Variants in TUSC3 observed in about 807,000 individuals in gnomAD.
TUSC3 encodes the protein dolichyl-diphosphooligosaccharide--protein glycosyltransferase subunit TUSC3.
In TUSC3, 45 loss-of-function variants were observed where a neutral mutation model predicts 44.8. The ratio of observed to expected loss-of-function variants is 1.00; its 90% confidence interval spans 0.79 to 1.29. The LOEUF (loss-of-function observed/expected upper bound fraction) is 1.29, where lower values mean the gene tolerates loss of function less well. Ranked by LOEUF, TUSC3 falls within the 50% of genes most tolerant of loss-of-function variation. The pLI, the probability that TUSC3 is intolerant of heterozygous loss-of-function variation, is 0.00. For missense variants in TUSC3, 519 were observed against 437.9 expected (o/e 1.19, Z -1.65); for synonymous variants, 212 against 152.9 (o/e 1.39, Z -2.85).
At position 15,552,202 on chromosome 8, in the gene TUSC3, G is replaced by A. The variant is rs1053938113; in HGVS notation, c.138+11634G>A. Among the ~76,000 whole-genome samples the A allele has an allele frequency of 2.0e-5, 3 of 151,710 alleles. No homozygotes were observed. In the East Asian group the frequency reaches 5.8e-4, roughly 29 times the overall value. ...TAAGCAATACAAAATAAATATATTG[G>A]AGTATCATCATCCTAAAATATGGCA... On this transcript the variant is annotated intron_variant, in intron 1 of 10. Transcript: ENST00000503731.
chr8:15,603,192 A>G (rs972605420), intron 1 of TUSC3, among the ~76,000 whole-genome samples: 1 of 151,618 alleles, frequency 6.6e-6, no homozygotes, highest in African/African-American at 2.4e-5. Flanking sequence ...AGAAAAGAGA[A>G]CCCAATTGAA....
intron 1 of TUSC3, among the ~76,000 whole-genome samples, chr8:15,614,023 T>C (rs1804878974): frequency 9.4e-6 from 1 of 106,510 alleles, no homozygotes; most frequent in African/African-American, 3.1e-5. Context: ...TTATTTTTTT[T>C]TTTTTTTCGG....
chr8:15,733,289 C>G (rs1050003756), intron 7 of TUSC3: 6 of 341,228 alleles, frequency 1.8e-5, no homozygotes, highest in Non-Finnish European at 2.8e-5. Flanking sequence ...TGGATAGAAA[C>G]ATAAAGCATT....
intron 2 of TUSC3, among the ~76,000 whole-genome samples, chr8:15,640,663 T>G (rs1404661109): frequency 6.6e-6 from 1 of 152,172 alleles, no homozygotes; most frequent in East Asian, 1.9e-4. Flanking sequence ...CTTTTTGTCG[T>G]GGAACTGGAT....
At chr8:15,540,974 T>A (rs1801668844) in intron 1 of TUSC3, among the ~76,000 whole-genome samples, 1 of 152,264 alleles carries the variant, frequency 6.6e-6, no homozygotes, top group African/African-American at 2.4e-5. Context: ...ATTACCCATT[T>A]CAAGAAGCAA....
chr8:15,799,733 T>A, the TUSC3 span, among the ~76,000 whole-genome samples: 1 of 152,170 alleles, frequency 6.6e-6, no homozygotes, highest in Non-Finnish European at 1.5e-5. Flanking sequence ...ATCCCACACT[T>A]AATGCCAGAA....
intron 2 of TUSC3, among the ~76,000 whole-genome samples, chr8:15,507,129 G>A (rs927219390): frequency 6.6e-6 from 1 of 152,026 alleles, no homozygotes; most frequent in Non-Finnish European, 1.5e-5. Context: ...TTTTTGGCCA[G>A]CCTTCAGAGG....
intron 1 of TUSC3, among the ~76,000 whole-genome samples, chr8:15,594,831 A>G (rs147498158): frequency 1.3e-5 from 2 of 152,144 alleles, no homozygotes; most frequent in Admixed American, 1.3e-4. Flanking sequence ...TTCATGACTT[A>G]CAGGCAGGCA....
intron 6 of TUSC3, among the ~76,000 whole-genome samples, chr8:15,710,775 T>A (rs1202666802): frequency 6.7e-6 from 1 of 149,776 alleles, no homozygotes; most frequent in East Asian, 1.9e-4. Context: ...GTAATTTGCA[T>A]GAAGTGAATA....
At chr8:15,685,521 G>A (rs777001537) in intron 6 of TUSC3, among the ~76,000 whole-genome samples, 5 of 152,170 alleles carry the variant, frequency 3.3e-5, no homozygotes, top group Non-Finnish European at 5.9e-5. Context: ...TAGATAATTT[G>A]TTCCCTTAAC....
At chr8:15,663,422 T>G (rs541896481) in intron 5 of TUSC3, among the ~76,000 whole-genome samples, 1 of 151,968 alleles carries the variant, frequency 6.6e-6, no homozygotes, top group African/African-American at 2.4e-5. Flanking sequence ...CAGTAGCCCT[T>G]CATCCTTCCC....
intron 1 of TUSC3, among the ~76,000 whole-genome samples, chr8:15,587,032 A>T (rs1803631100): frequency 6.6e-6 from 1 of 152,208 alleles, no homozygotes; most frequent in Admixed American, 6.5e-5. Flanking sequence ...ATATGTTAAT[A>T]GCCAGTTTTT....
chr8:15,680,421 A>T (rs1808374963), intron 6 of TUSC3, among the ~76,000 whole-genome samples: 1 of 152,066 alleles, frequency 6.6e-6, no homozygotes, highest in Non-Finnish European at 1.5e-5. Flanking sequence ...TTGGTGTTTT[A>T]GAAATGCTAC....
At chr8:15,850,186 A>G in the TUSC3 span, among the ~76,000 whole-genome samples, 14 of 151,734 alleles carry the variant, frequency 9.2e-5, no homozygotes, top group Admixed American at 7.2e-4. Flanking sequence ...GCCTTTCCCA[A>G]TAAGGTTTAT....
At chr8:15,656,860 C>T (rs538351676) in intron 3 of TUSC3, among the ~76,000 whole-genome samples, 1 of 152,350 alleles carries the variant, frequency 6.6e-6, no homozygotes, top group Admixed American at 6.5e-5. Context: ...CTCTTACATT[C>T]TGGGCACGTG....
intron 1 of TUSC3, among the ~76,000 whole-genome samples, chr8:15,470,902 G>T (rs1800483490): frequency 6.6e-6 from 1 of 152,116 alleles, no homozygotes; most frequent in Non-Finnish European, 1.5e-5. Flanking sequence ...CTTGTGCCCT[G>T]AGCTGAGGGG....
chr8:15,726,061 G>T (rs1810484682), intron 6 of TUSC3, among the ~76,000 whole-genome samples: 1 of 152,090 alleles, frequency 6.6e-6, no homozygotes, highest in African/African-American at 2.4e-5. Flanking sequence ...AACATTACGT[G>T]TTTAAAAGGA....
At chr8:15,719,024 G>A (rs1810185657) in intron 6 of TUSC3, among the ~76,000 whole-genome samples, 1 of 151,932 alleles carries the variant, frequency 6.6e-6, no homozygotes, top group Non-Finnish European at 1.5e-5. Context: ...CTTACCACCT[G>A]CTGTCAAACT....
chr8:15,717,918 C>G (rs1200158853), intron 6 of TUSC3, among the ~76,000 whole-genome samples: 1 of 151,990 alleles, frequency 6.6e-6, no homozygotes, highest in Admixed American at 6.6e-5. Flanking sequence ...AATGAAGATT[C>G]TATTTTGCCT....
Sources: allele counts gnomAD v4.1 joint callset (sites outside exome capture counted in the v4.1 genomes callset), GRCh38; gene constraint gnomAD v4.1.1; transcripts MANE v1.5; gene names NCBI Gene and HGNC (gene_info 2026-07-23, HGNC 2026-07-21).